The following ZNF518A variants were observed in gnomAD, a reference collection of about 807,000 sequenced individuals.
The protein encoded by ZNF518A is zinc finger protein 518A.
ZNF518A carries 47 observed loss-of-function variants against 102.7 expected under a neutral mutation model. The observed-to-expected ratio is 0.46, with a 90% CI of 0.36 to 0.58. ZNF518A has a LOEUF of 0.58. Ranked by LOEUF, ZNF518A falls within the 20% of genes least tolerant of loss-of-function variation. The pLI, the probability that ZNF518A is intolerant of heterozygous loss-of-function variation, is 0.00. For synonymous variants in ZNF518A, 652 were observed against 594.6 expected (o/e 1.10, Z -1.40); for missense variants, 1,793 against 1,699.8 (o/e 1.05, Z -0.96).
chr10:96,183,697 G>A (rs868957995), intron 1 of ZNF518A, among the ~76,000 whole-genome samples: 54 of 152,278 alleles, frequency 3.5e-4, no homozygotes, highest in African/African-American at 1.3e-3. Context: ...TGTGATTTCT[G>A]TTCTTCTGCA....
chr10:96,167,770 A>C (rs2083150860), downstream of ZNF518A, among the ~76,000 whole-genome samples: 1 of 152,204 alleles, frequency 6.6e-6, no homozygotes, highest in Non-Finnish European at 1.5e-5. Flanking sequence ...TGGATCATAG[A>C]CCTAAATACA....
chr10:96,156,316 T>C lies in ZNF518A; in HGVS notation c.-7T>C, dbSNP rs782752282. On this transcript the variant is annotated 5_prime_UTR_variant, in exon 6 of 6. Transcript: ENST00000316045. ...AAAAAAGAAATTGGGACTTTTTTGG[T>C]TAAATCATGCCATCTGAACAGAAAC... The C allele has an allele frequency of 6.4e-7, 1 of 1,550,550 alleles. No individual in the cohort carries two copies. The highest frequency in any genetic ancestry group is 8.7e-7 in the Non-Finnish European group (1 of 1,155,940).
intron 1 of ZNF518A, among the ~76,000 whole-genome samples, chr10:96,184,614 AT>A (rs1249299791): frequency 6.6e-6 from 1 of 152,218 alleles, no homozygotes; most frequent in Admixed American, 6.5e-5. Context: ...TTCTTTAAGA[AT>A]GTTGAATATC....
At chr10:96,196,380 T>C (rs1272462641) in intron 1 of ZNF518A, among the ~76,000 whole-genome samples, 1 of 152,216 alleles carries the variant, frequency 6.6e-6, no homozygotes, top group Non-Finnish European at 1.5e-5. Context: ...TAAAGAGGCA[T>C]TAAAGTTAAT....
At chr10:96,185,946 G>C (rs1332751943) in intron 1 of ZNF518A, among the ~76,000 whole-genome samples, 5 of 152,230 alleles carry the variant, frequency 3.3e-5, no homozygotes, top group Non-Finnish European at 7.3e-5. Flanking sequence ...CTCTCCCCCA[G>C]CCAGGCTGCT....
intron 1 of ZNF518A, among the ~76,000 whole-genome samples, chr10:96,193,562 T>C (rs1441249465): frequency 6.6e-6 from 1 of 152,208 alleles, no homozygotes; most frequent in Non-Finnish European, 1.5e-5. Flanking sequence ...AGAATATTTG[T>C]GATTTAATTT....
At chr10:96,177,224 T>C (rs2083210736) in intron 1 of ZNF518A, among the ~76,000 whole-genome samples, 1 of 152,044 alleles carries the variant, frequency 6.6e-6, no homozygotes, top group African/African-American at 2.4e-5. Context: ...ATCCAGAAGA[T>C]AGTGGAATGA....
At position 96,158,195 on chromosome 10, in the gene ZNF518A, T is replaced by C. The variant is rs781853939; in HGVS notation, c.1873T>C (p.Cys625Arg). ...MHNYCINYGN[C>R]ELPVESSNQG... ...TAATTATTGCATTAATTATGGCAAC[T>C]GTGAGTTACCTGTTGAATCCTCCAA... The change falls in exon 6 of 6, where the codon TGT (cysteine) becomes CGT (arginine). Residue 625 changes from cysteine to arginine, a missense_variant. By Grantham distance (180) the Cys-to-Arg change is radical (BLOSUM62 -3). Coordinates refer to ENST00000316045, the MANE Select transcript of ZNF518A (RefSeq NM_001330736.2). The C allele has an allele frequency of 6.2e-7, 1 of 1,613,686 alleles. No individual in the cohort carries two copies. The highest frequency in any genetic ancestry group is 8.5e-7 in the Non-Finnish European group (1 of 1,179,728).
At position 96,191,659 on chromosome 10, in the gene ZNF518A, C is replaced by T. The variant is rs1325587562; in HGVS notation, n.36-11915C>T. ...AAATTTCCAGCCACTTTGTTTTATG[C>T]AAGAGCATTATTTTCTTATTTTGAT... On this transcript the variant is annotated intron_variant and non_coding_transcript_variant, in intron 1 of 2. Transcript: ENST00000442635. 3 of 231,166 alleles carry T rather than the reference C, an allele frequency of 1.3e-5. No individual in the cohort carries two copies. In the South Asian group the frequency reaches 1.9e-4, roughly 14 times the overall value. 14.3% of individuals were successfully genotyped at this position (231,166 alleles called of 1,614,324 possible).
intron 3 of ZNF518A, chr10:96,151,435 A>G (rs1321765591): frequency 6.6e-6 from 1 of 151,984 alleles, no homozygotes; most frequent in Non-Finnish European, 1.5e-5. Flanking sequence ...GCAATCCCCT[A>G]CTCTGTCTGG....
In ZNF518A at chr10:96,130,482, CG is replaced by C. The variant is rs2081272302; in HGVS notation, c.-719del. On this transcript the variant is annotated 5_prime_UTR_variant, in exon 1 of 6. Coordinates refer to ENST00000316045, the MANE Select transcript of ZNF518A (RefSeq NM_001330736.2). Reference sequence around the variant, plus strand: ...AGACGGTGTGCCTCCGCGCTCCCCGCGGGGCAGCCGAACCCCGGAGGAAGGG... The same window carrying C: ...AGACGGTGTGCCTCCGCGCTCCCCGCGGGCAGCCGAACCCCGGAGGAAGGG... 6.6e-6 allele frequency among the ~76,000 whole-genome samples: 1 copy of C among 152,216 alleles called. No individual in the cohort carries two copies. Among genetic ancestry groups the C allele is most frequent in the African/African-American group, 2.4e-5 (1 of 41,464 alleles).
chr10:96,147,998 G>T (rs587623116), intron 3 of ZNF518A, among the ~76,000 whole-genome samples: 1 of 151,896 alleles, frequency 6.6e-6, no homozygotes, highest in African/African-American at 2.4e-5. Flanking sequence ...TTTCTGAGAG[G>T]TTATTTCACC....
chr10:96,132,442 A>G (rs1230881002), intron 1 of ZNF518A, 144 bp from the exon 2 acceptor site: 3 of 151,026 alleles, frequency 2.0e-5, no homozygotes, highest in East Asian at 1.9e-4. Flanking sequence ...CTGGTCATCA[A>G]TGATGTATGC....
At chr10:96,199,677 C>T (rs1177909721) in intron 1 of ZNF518A, 8 of 376,522 alleles carry the variant, frequency 2.1e-5, no homozygotes, top group East Asian at 7.3e-5. Flanking sequence ...ATCATAAGGA[C>T]GACAACTGTG....
downstream of ZNF518A, chr10:96,204,446 T>C: frequency 7.3e-7 from 1 of 1,377,554 alleles, no homozygotes; most frequent in Non-Finnish European, 1.0e-6. Flanking sequence ...GCACTGCAAG[T>C]CAGTGTCACT....
intron 3 of ZNF518A, among the ~76,000 whole-genome samples, chr10:96,150,817 G>A (rs587697480): frequency 7.6e-6 from 1 of 132,274 alleles, no homozygotes; most frequent in East Asian, 2.5e-4. Context: ...CGTGATCTCG[G>A]CTCACTGCAG....
At position 96,159,267 on chromosome 10, in the gene ZNF518A, T is replaced by C; in HGVS notation, c.2945T>C (p.Leu982Pro). ...AAGAAACCTGGGATGGTTTTAACACTTAATAATGGGAAACTTGAAGGTGTT... is the reference window on the plus strand; with the variant it reads ...AAGAAACCTGGGATGGTTTTAACACCTAATAATGGGAAACTTGAAGGTGTT... ...VNKKPGMVLT[L>P]NNGKLEGVSA... Residue 982 changes from leucine (L) to proline (P), a missense_variant, in exon 6 of 6, where the codon CTT becomes CCT. Around this residue, in one of 3 missense-constraint regions of ZNF518A, gnomAD observed 1,741 missense variants for 1,622.6 expected, o/e 1.07. Transcript: ENST00000316045. 6.2e-7 allele frequency: 1 copy of C among 1,613,464 alleles called. No homozygotes were observed.
intron 1 of ZNF518A, among the ~76,000 whole-genome samples, chr10:96,172,413 T>G (rs1218015102): frequency 6.6e-6 from 1 of 151,906 alleles, no homozygotes; most frequent in African/African-American, 2.4e-5. Flanking sequence ...TAATAGTAAA[T>G]AAGAAGGCTC....
At chr10:96,164,763 G>A (rs374998612), downstream of ZNF518A, among the ~76,000 whole-genome samples, 145 of 152,286 alleles carry the variant, frequency 9.5e-4, no homozygotes, top group South Asian at 5.6e-3. Context: ...GAGATGCCAA[G>A]AATGTGCTTA....
Sources: allele counts gnomAD v4.1 joint callset (sites outside exome capture counted in the v4.1 genomes callset), GRCh38; gene constraint gnomAD v4.1.1; regional missense constraint gnomAD v4.1.1; transcripts MANE v1.5; gene names NCBI Gene and HGNC (gene_info 2026-07-23, HGNC 2026-07-21).